Variants in SATL1 observed in about 807,000 individuals in gnomAD.
SATL1 encodes the protein spermidine/spermine N1-acetyl transferase like 1.
In SATL1, 47 loss-of-function variants were observed where a neutral mutation model predicts 51.8. The ratio of observed to expected loss-of-function variants is 0.91; its 90% CI spans 0.72 to 1.16. The LOEUF is 1.16. SATL1 is among the 50% of genes most tolerant of loss of function. The pLI is 0.00. For missense variants in SATL1, 520 were observed against 526.4 expected (o/e 0.99, Z 0.12); for synonymous variants, 176 against 182.4 (o/e 0.97, Z 0.28).
intron 2 of SATL1, among the ~76,000 whole-genome samples, chrX:85,203,184 TC>T (rs1408991446): frequency 2.7e-5 from 3 of 111,882 alleles, no homozygotes; most frequent in East Asian, 5.7e-4. Flanking sequence ...AGCCCGTCCT[TC>T]CCTGTGGGAG....
chrX:85,186,506 G>A (rs1927317199), intron 2 of SATL1, among the ~76,000 whole-genome samples: 1 of 111,086 alleles, frequency 9.0e-6, no homozygotes, highest in Non-Finnish European at 1.9e-5. Context: ...ATGGCTTGCT[G>A]GAACTCAGGC....
At chrX:85,225,964 A>G (rs1431007223) in intron 1 of SATL1, among the ~76,000 whole-genome samples, 1 of 109,298 alleles carries the variant, frequency 9.1e-6, no homozygotes, top group Non-Finnish European at 1.9e-5. Context: ...CTCTCCCCCA[A>G]CCCCCACACT....
intron 2 of SATL1, among the ~76,000 whole-genome samples, chrX:85,166,433 A>C (rs760826881): frequency 9.0e-6 from 1 of 111,653 alleles, no homozygotes; most frequent in South Asian, 3.7e-4. Flanking sequence ...CATCAAGAAA[A>C]AATTCAAATA....
intron 2 of SATL1, among the ~76,000 whole-genome samples, chrX:85,193,892 G>A (rs1927495714): frequency 1.8e-5 from 2 of 112,006 alleles, no homozygotes. Flanking sequence ...GTGTATATAT[G>A]CCACACTTTC....
At chrX:85,127,932 T>C (rs1053360051) in intron 2 of SATL1, among the ~76,000 whole-genome samples, 3 of 110,414 alleles carry the variant, frequency 2.7e-5, no homozygotes, top group Non-Finnish European at 5.7e-5. Context: ...TGCTCAGAAT[T>C]ATGGTTTCCA....
chrX:85,130,310 A>C (rs2343387), intron 2 of SATL1, among the ~76,000 whole-genome samples: 4 of 109,599 alleles, frequency 3.6e-5, no homozygotes, highest in Non-Finnish European at 5.7e-5. Flanking sequence ...ATTAATTATC[A>C]CCTCAATTTC....
Position 85,240,826 on chromosome X carries a change from G to A in SATL1, c.-435+2762C>T, listed in dbSNP as rs191127450. ...TTTTTAATAGAGACGGGGTTTCACC[G>A]TGTTAGCCAGGATGGTCTCGATCTC... is the stretch of plus-strand genomic sequence containing the variant. On this transcript the variant is annotated intron_variant, in intron 1 of 7. Coordinates refer to ENST00000644105, the MANE Select transcript of SATL1 (RefSeq NM_001367857.2). Among the ~76,000 whole-genome samples the A allele has an allele frequency of 9.9e-3, 1,045 of 105,591 alleles. 16 individuals carry two copies. Among genetic ancestry groups the A allele is most frequent in the African/African-American group, 0.034 (990 of 28,720 alleles). The allele number at this position is 105,591 out of a possible 115,157, so 91.7% of individuals were successfully genotyped here.
intron 2 of SATL1, among the ~76,000 whole-genome samples, chrX:85,197,744 G>A (rs1047231681): frequency 5.7e-5 from 6 of 104,786 alleles, no homozygotes; most frequent in South Asian, 8.9e-4. Context: ...GAGAACATGC[G>A]GTGTTTGGTT....
intron 2 of SATL1, among the ~76,000 whole-genome samples, chrX:85,221,176 G>T (rs1379501687): frequency 9.1e-6 from 1 of 110,212 alleles, no homozygotes; most frequent in African/African-American, 3.3e-5. Flanking sequence ...AAGACCCCAA[G>T]ATATCGGGTC....
chrX:85,208,330 C>A (rs1049907064), intron 2 of SATL1, among the ~76,000 whole-genome samples: 6 of 111,631 alleles, frequency 5.4e-5, no homozygotes, highest in Non-Finnish European at 1.1e-4. Context: ...GGTTCCAAGT[C>A]TTTGCTATTG....
At chrX:85,235,167 A>G (rs771761105) in intron 1 of SATL1, among the ~76,000 whole-genome samples, 9 of 111,491 alleles carry the variant, frequency 8.1e-5, no homozygotes, top group Non-Finnish European at 1.5e-4. Context: ...GAAAGAGGTT[A>G]TAACAATTAT....
chrX:85,163,760 T>C (rs903312610), intron 2 of SATL1, among the ~76,000 whole-genome samples: 3 of 111,991 alleles, frequency 2.7e-5, no homozygotes, highest in Non-Finnish European at 5.6e-5. Context: ...GTTCTGTAAA[T>C]ATATATTAAG....
At chrX:85,180,839 G>T (rs1161040525) in intron 2 of SATL1, among the ~76,000 whole-genome samples, 1 of 110,535 alleles carries the variant, frequency 9.0e-6, no homozygotes, top group Admixed American at 9.7e-5. Context: ...ATTCTACCTT[G>T]TCTCACACAT....
chrX:85,152,239 G>A (rs2147722453), intron 2 of SATL1, among the ~76,000 whole-genome samples: 1 of 112,091 alleles, frequency 8.9e-6, no homozygotes, highest in South Asian at 3.7e-4. Context: ...CTGGCCATCA[G>A]AGAAATGCAA....
At chrX:85,124,052 C>T (rs1356660541) in intron 2 of SATL1, among the ~76,000 whole-genome samples, 2 of 111,427 alleles carry the variant, frequency 1.8e-5, no homozygotes, top group African/African-American at 3.3e-5. Flanking sequence ...TTTAAAAAGT[C>T]AAGGACTGTG....
intron 2 of SATL1, among the ~76,000 whole-genome samples, chrX:85,174,223 G>T (rs772175484): frequency 9.1e-6 from 1 of 110,059 alleles, no homozygotes; most frequent in Non-Finnish European, 1.9e-5. Context: ...GAATAGTGCC[G>T]CAATAAACAT....
At chrX:85,097,260 T>C (rs1924755845) in intron 4 of SATL1, among the ~76,000 whole-genome samples, 1 of 112,140 alleles carries the variant, frequency 8.9e-6, no homozygotes, top group South Asian at 3.7e-4. Context: ...CTGGAACCAA[T>C]CTCCTGCATA....
At chrX:85,238,743 A>G (rs1046013387) in intron 1 of SATL1, among the ~76,000 whole-genome samples, 12 of 111,609 alleles carry the variant, frequency 1.1e-4, no homozygotes, top group African/African-American at 3.9e-4. Context: ...AAGAAATGAT[A>G]AATGCTTGAG....
At chrX:85,243,205 C>A (rs1440450247) in intron 1 of SATL1, among the ~76,000 whole-genome samples, 11 of 112,732 alleles carry the variant, frequency 9.8e-5, no homozygotes, top group African/African-American at 3.2e-4. Context: ...GGATCCTATC[C>A]TTTCCCTGCT....
Sources: allele counts gnomAD v4.1 joint callset (sites outside exome capture counted in the v4.1 genomes callset), GRCh38; gene constraint gnomAD v4.1.1; transcripts MANE v1.5; gene names NCBI Gene and HGNC (gene_info 2026-07-23, HGNC 2026-07-21).